The following CCDC102B variants were observed in gnomAD, a reference collection of about 807,000 sequenced individuals.
CCDC102B encodes the protein coiled-coil domain containing 102B, also known as coiled-coil domain-containing protein 102B.
A neutral mutation model predicts 57.4 loss-of-function variants in CCDC102B; 75 were observed. That is an observed-to-expected ratio of 1.31 (90% CI 1.08 to 1.58). CCDC102B has a LOEUF of 1.58. Among genes scored for constraint, CCDC102B ranks in the 40% most tolerant of loss-of-function variants. The pLI is 0.00. For synonymous variants in CCDC102B, 206 were observed against 201.9 expected (o/e 1.02, Z -0.17); for missense variants, 636 against 582.6 (o/e 1.09, Z -0.94).
intron 2 of CCDC102B, among the ~76,000 whole-genome samples, chr18:68,765,378 A>AAAGAAAGAAAGAAAGAAAG (rs1568239061): frequency 7.5e-6 from 1 of 132,502 alleles, no homozygotes; most frequent in Non-Finnish European, 1.7e-5. Flanking sequence ...AGAAAGAAAG[A>AAAGAAAGAAAGAAAGAAAG]AAAGAAAGAA....
At chr18:68,914,680 C>A (rs1599683126) in intron 6 of CCDC102B, among the ~76,000 whole-genome samples, 1 of 152,236 alleles carries the variant, frequency 6.6e-6, no homozygotes, top group East Asian at 1.9e-4. Flanking sequence ...CACTGATTCA[C>A]CAGAAATTGG....
intron 6 of CCDC102B, among the ~76,000 whole-genome samples, chr18:68,932,306 G>A (rs2145143416): frequency 6.6e-6 from 1 of 151,388 alleles, no homozygotes; most frequent in East Asian, 1.9e-4. Context: ...TGCTTTTATT[G>A]CTAATCTTAT....
intron 1 of CCDC102B, among the ~76,000 whole-genome samples, chr18:68,812,332 A>T (rs2036298622): frequency 6.6e-6 from 1 of 152,110 alleles, no homozygotes; most frequent in Non-Finnish European, 1.5e-5. Context: ...GTACTTTGTG[A>T]TGAAACTTAA....
intron 5 of CCDC102B, among the ~76,000 whole-genome samples, chr18:68,881,412 G>A (rs2039688176): frequency 6.6e-6 from 1 of 152,170 alleles, no homozygotes; most frequent in Non-Finnish European, 1.5e-5. Flanking sequence ...ATAAGATAAT[G>A]TGATTGTTAA....
rs371839402 is a variant in CCDC102B at position 68,722,457 on chromosome 18, A to G, written c.-67+5863A>G. Among the ~76,000 whole-genome samples the G allele has an allele frequency of 2.0e-5, 3 of 152,280 alleles. No homozygotes were observed. In the South Asian group the frequency reaches 6.2e-4, roughly 32 times the overall value. ...AAGACACCCCACCACCATGAACACC[A>G]TATGTGATTTTGCTTTGGGGACCTA... On this transcript the variant is annotated intron_variant, in intron 2 of 3. Transcript: ENST00000578970.
intron 6 of CCDC102B, among the ~76,000 whole-genome samples, chr18:68,953,640 A>C (rs1050743091): frequency 6.6e-6 from 1 of 152,054 alleles, no homozygotes; most frequent in South Asian, 2.1e-4. Flanking sequence ...CAAGATAAAT[A>C]ATTTCTAGAT....
intron 2 of CCDC102B, among the ~76,000 whole-genome samples, chr18:68,747,675 C>T (rs1175388929): frequency 2.0e-5 from 3 of 152,102 alleles, no homozygotes; most frequent in Admixed American, 1.3e-4. Context: ...CAGGTTCATC[C>T]AAGTTGTCAC....
At chr18:68,768,444 T>G (rs1253685233) in intron 2 of CCDC102B, among the ~76,000 whole-genome samples, 1 of 152,186 alleles carries the variant, frequency 6.6e-6, no homozygotes, top group Admixed American at 6.5e-5. Context: ...ACATTATTCT[T>G]TGTCTTCTTC....
At chr18:68,921,297 A>G (rs2041271434) in intron 6 of CCDC102B, among the ~76,000 whole-genome samples, 1 of 152,264 alleles carries the variant, frequency 6.6e-6, no homozygotes, top group South Asian at 2.1e-4. Flanking sequence ...ATAATAGTGA[A>G]TAAGTTTCAT....
intron 2 of CCDC102B, among the ~76,000 whole-genome samples, chr18:68,736,528 G>C (rs1222018642): frequency 6.6e-6 from 1 of 152,176 alleles, no homozygotes; most frequent in Admixed American, 6.5e-5. Flanking sequence ...TCTAATATGA[G>C]ATAAGCATAT....
intron 6 of CCDC102B, chr18:68,908,472 C>T (rs574790929): frequency 5.7e-4 from 87 of 152,240 alleles, no homozygotes; most frequent in African/African-American, 2.0e-3. Context: ...CTTCAAGCTG[C>T]CTACCTTGCC....
intron 5 of CCDC102B, among the ~76,000 whole-genome samples, chr18:68,882,141 G>A (rs1291233093): frequency 1.3e-5 from 2 of 152,066 alleles, no homozygotes. Context: ...TGCAAAAGCT[G>A]ACTTTGCATG....
At chr18:68,998,345 A>C (rs2051089135) in intron 6 of CCDC102B, among the ~76,000 whole-genome samples, 1 of 149,550 alleles carries the variant, frequency 6.7e-6, no homozygotes, top group African/African-American at 2.4e-5. Flanking sequence ...ACATCTACAT[A>C]CACACATGTA....
At chr18:69,016,529 C>T (rs2051673569) in intron 7 of CCDC102B, among the ~76,000 whole-genome samples, 1 of 152,166 alleles carries the variant, frequency 6.6e-6, no homozygotes, top group Non-Finnish European at 1.5e-5. Flanking sequence ...TCAATTATCA[C>T]CCTGCCATGA....
At position 68,860,060 on chromosome 18, in the gene CCDC102B, C is replaced by T. The variant is rs1284493665; in HGVS notation, c.936+13639C>T. On this transcript the variant is annotated intron_variant, in intron 4 of 7. Coordinates refer to ENST00000360242, the MANE Select transcript of CCDC102B (RefSeq NM_024781.3). ...AAGACTTGGAACCAACCCAAATGTCCAACAATGATAGACTGGATTAAGAAA... is the reference window on the plus strand; with the variant it reads ...AAGACTTGGAACCAACCCAAATGTCTAACAATGATAGACTGGATTAAGAAA... Among the ~76,000 whole-genome samples, 4 of 66,140 alleles carry T rather than the reference C, an allele frequency of 6.0e-5. No homozygotes were observed. In the Admixed American group the frequency reaches 7.1e-4, roughly 12 times the overall value. The allele number at this position is 66,140 out of a possible 152,430, so 43.4% of individuals were successfully genotyped here.
rs1232396430 is a variant in CCDC102B at position 68,745,449 on chromosome 18, T to TA, written c.-67+28861dup. On this transcript the variant is annotated intron_variant, in intron 2 of 3. Coordinates refer to the CCDC102B transcript ENST00000578970. ...TGTCCTTCAATGCCCTCATTTCATT[T>TA]AAAAAATTAATTTTTTTAATGAAGA... Among the ~76,000 whole-genome samples the TA allele has an allele frequency of 1.4e-4, 3 of 20,962 alleles. No individual in the cohort carries two copies. The East Asian group carries it at 5.3e-3, about 37-fold the overall frequency. The allele number at this position is 20,962 out of a possible 152,430, so 13.8% of individuals were successfully genotyped here. A position where few individuals can be genotyped will look rare whatever the true frequency, so the allele number is the denominator to read the frequency against.
intron 2 of CCDC102B, among the ~76,000 whole-genome samples, chr18:68,741,513 G>C (rs763156363): frequency 1.1e-4 from 17 of 152,206 alleles, no homozygotes; most frequent in Admixed American, 2.0e-4. Context: ...GTGCTGATGG[G>C]GATAGAGTTG....
chr18:68,904,684 T>C (rs1660344243), intron 6 of CCDC102B, among the ~76,000 whole-genome samples: 1 of 152,070 alleles, frequency 6.6e-6, no homozygotes, highest in African/African-American at 2.4e-5. Context: ...TACTCTCAAA[T>C]GCATGCACAC....
At chr18:69,053,740 G>A (rs1330953330) in intron 7 of CCDC102B, among the ~76,000 whole-genome samples, 1 of 151,186 alleles carries the variant, frequency 6.6e-6, no homozygotes, top group African/African-American at 2.4e-5. Context: ...TATATAGAAT[G>A]GATCCTCATG....
Sources: gnomAD v4.1 joint callset for allele counts (sites outside exome capture counted in the v4.1 genomes callset) on GRCh38, gnomAD v4.1.1 for gene constraint, MANE v1.5 for transcripts, NCBI Gene and HGNC (gene_info 2026-07-23, HGNC 2026-07-21) for gene names.